The following PLCH1 variants were observed in gnomAD, a reference collection of about 807,000 sequenced individuals.
PLCH1 encodes the protein 1-phosphatidylinositol 4,5-bisphosphate phosphodiesterase eta-1.
In PLCH1, 60 loss-of-function variants were observed where a neutral mutation model predicts 126.7. That is an observed-to-expected ratio of 0.47 (90% CI 0.38 to 0.59). PLCH1 has a LOEUF of 0.59. Among genes scored for constraint, PLCH1 ranks in the 20% least tolerant of loss-of-function variants. The probability of loss-of-function intolerance (pLI) is 0.00; values close to 1 mark genes in which losing one functional copy is unlikely to be tolerated. For synonymous variants in PLCH1, 719 were observed against 734.9 expected, an observed-to-expected ratio of 0.98 and a Z score of 0.35; for missense variants, 1,723 against 2,040.0, an observed-to-expected ratio of 0.84 and a Z score of 2.99.
chr3:155,594,970 AT>A (rs1471676617), intron 3 of PLCH1, among the ~76,000 whole-genome samples: 1 of 152,266 alleles, frequency 6.6e-6, no homozygotes, highest in Non-Finnish European at 1.5e-5. Context: ...TGGAACTGGC[AT>A]TCCTAGAGAA....
rs545897560 is a variant in PLCH1 at position 155,472,395 on chromosome 3, GA to G, written c.2938+12960del. 3.5e-3 allele frequency among the ~76,000 whole-genome samples: 527 copies of G among 152,294 alleles called. 1 individual carries two copies. Among genetic ancestry groups the G allele is most frequent in the Non-Finnish European group, 6.0e-3 (405 of 68,022 alleles). On this transcript the variant is annotated intron_variant, in intron 21 of 21. Transcript: ENST00000494598. ...TAAACCAGGAAGAAGTTGAATCTCT[GA>G]ATAGATCAATAACAGGAGCTCAAAT...
chr3:155,522,433 G>C (rs1415188981), intron 11 of PLCH1, among the ~76,000 whole-genome samples: 2 of 152,108 alleles, frequency 1.3e-5, no homozygotes, highest in Non-Finnish European at 2.9e-5. Flanking sequence ...CTATTAAAAG[G>C]CAAGAGAAGA....
At chr3:155,701,324 A>G (rs971015083) in intron 2 of PLCH1, among the ~76,000 whole-genome samples, 1 of 152,208 alleles carries the variant, frequency 6.6e-6, no homozygotes, top group Non-Finnish European at 1.5e-5. Context: ...AATATGGTTT[A>G]TGAACTGTGA....
chr3:155,548,083 A>G (rs1249705984), intron 10 of PLCH1, among the ~76,000 whole-genome samples: 5 of 152,148 alleles, frequency 3.3e-5, no homozygotes, highest in Non-Finnish European at 2.9e-5. Context: ...CTTTGCCTGT[A>G]TTTTATCAGA....
chr3:155,495,840 T>C (rs555526937), intron 15 of PLCH1, among the ~76,000 whole-genome samples: 1 of 152,234 alleles, frequency 6.6e-6, no homozygotes, highest in Non-Finnish European at 1.5e-5. Context: ...AAGATACATG[T>C]TCATATATTT....
chr3:155,741,689 T>TTTTTTTTTTTA (rs1749643944), intron 1 of PLCH1, among the ~76,000 whole-genome samples: 1 of 117,348 alleles, frequency 8.5e-6, no homozygotes, highest in Admixed American at 8.0e-5. Context: ...ATCCTCTTTT[T>TTTTTTTTTTTA]TTTTTTTTTT....
At chr3:155,589,855 T>C (rs1731871591) in intron 4 of PLCH1, among the ~76,000 whole-genome samples, 1 of 152,220 alleles carries the variant, frequency 6.6e-6, no homozygotes, top group Non-Finnish European at 1.5e-5. Context: ...GGACTATATA[T>C]AATCAACTGA....
chr3:155,524,387 A>C (rs1238815439), intron 10 of PLCH1, among the ~76,000 whole-genome samples: 2 of 152,186 alleles, frequency 1.3e-5, no homozygotes, highest in East Asian at 1.9e-4. Context: ...GGCTGCACAC[A>C]ATGGGAATGT....
At chr3:155,451,662 T>C (rs1041340218) in intron 21 of PLCH1, among the ~76,000 whole-genome samples, 1 of 152,212 alleles carries the variant, frequency 6.6e-6, no homozygotes, top group African/African-American at 2.4e-5. Flanking sequence ...AGTATTCTGT[T>C]GGTGCAAAGT....
At chr3:155,601,638 T>C (rs562920372) in intron 2 of PLCH1, among the ~76,000 whole-genome samples, 1 of 152,318 alleles carries the variant, frequency 6.6e-6, no homozygotes, top group South Asian at 2.1e-4. Flanking sequence ...CCAATTATGT[T>C]TGAATCAGAA....
At chr3:155,631,616 C>A (rs944675293) in intron 2 of PLCH1, among the ~76,000 whole-genome samples, 1 of 152,214 alleles carries the variant, frequency 6.6e-6, no homozygotes, top group African/African-American at 2.4e-5. Context: ...TTCAGCACTC[C>A]AATTGCTGAT....
chr3:155,470,289 T>C (rs986098633), intron 21 of PLCH1, among the ~76,000 whole-genome samples: 21 of 152,150 alleles, frequency 1.4e-4, no homozygotes, highest in Admixed American at 3.9e-4. Context: ...ACAGAAGCCT[T>C]AGGAGCCGAT....
intron 10 of PLCH1, among the ~76,000 whole-genome samples, chr3:155,538,319 T>A: frequency 6.6e-6 from 1 of 151,878 alleles, no homozygotes; most frequent in Non-Finnish European, 1.5e-5. Context: ...CAGATAATCT[T>A]AGGTCACACC....
At chr3:155,484,327 T>C (rs1714665899) in intron 22 of PLCH1, among the ~76,000 whole-genome samples, 1 of 152,210 alleles carries the variant, frequency 6.6e-6, no homozygotes, top group African/African-American at 2.4e-5. Context: ...AAATACATTT[T>C]AAGGCACATG....
At chr3:155,623,513 A>G (rs1161750574) in intron 2 of PLCH1, among the ~76,000 whole-genome samples, 3 of 152,204 alleles carry the variant, frequency 2.0e-5, no homozygotes, top group African/African-American at 7.2e-5. Flanking sequence ...ACCACTAGCC[A>G]GACTAATAAA....
chr3:155,677,898 T>C (rs1229373323), intron 2 of PLCH1, among the ~76,000 whole-genome samples: 2 of 152,188 alleles, frequency 1.3e-5, no homozygotes, highest in African/African-American at 2.4e-5. Context: ...GATAATTTTA[T>C]ACAAAAAGAC....
At chr3:155,605,428 T>G (rs28582567) in intron 2 of PLCH1, among the ~76,000 whole-genome samples, 2,496 of 152,324 alleles carry the variant, frequency 0.016, 67 homozygotes, top group African/African-American at 0.056. Context: ...CCATTTGACT[T>G]TAAAGAACTT....
At chr3:155,727,643 C>G (rs1187459465) in intron 1 of PLCH1, among the ~76,000 whole-genome samples, 1 of 152,160 alleles carries the variant, frequency 6.6e-6, no homozygotes, top group East Asian at 1.9e-4. Flanking sequence ...CCGTCTCGGC[C>G]TCCCAAAGTG....
chr3:155,630,559 T>A (rs1737905821), intron 2 of PLCH1, among the ~76,000 whole-genome samples: 4 of 152,216 alleles, frequency 2.6e-5, no homozygotes. Flanking sequence ...TATTTTAGGC[T>A]CCTCTAGTTT....
Sources: allele counts gnomAD v4.1 joint callset (sites outside exome capture counted in the v4.1 genomes callset), GRCh38; gene constraint gnomAD v4.1.1; transcripts MANE v1.5; gene names NCBI Gene and HGNC (gene_info 2026-07-23, HGNC 2026-07-21).